Variants in DNAH9 observed in about 807,000 individuals in gnomAD.
DNAH9 encodes the protein DNAH9 variant protein.
In DNAH9, 345 loss-of-function variants were observed where a neutral mutation model predicts 471.6. The ratio of observed to expected loss-of-function variants is 0.73; its 90% CI spans 0.67 to 0.80. DNAH9 has a LOEUF of 0.80. Ranked by LOEUF, DNAH9 falls within the 30% of genes least tolerant of loss-of-function variation. DNAH9 has a pLI of 0.00. For synonymous variants in DNAH9, 2,093 were observed against 2,123.6 expected (o/e 0.99, Z 0.40); for missense variants, 5,407 against 5,609.2 (o/e 0.96, Z 1.15).
At chr17:11,869,726 C>A (rs1972193650) in intron 51 of DNAH9, among the ~76,000 whole-genome samples, 1 of 152,218 alleles carries the variant, frequency 6.6e-6, no homozygotes, top group Non-Finnish European at 1.5e-5. Flanking sequence ...ATGCTCCGGC[C>A]TTCCTGGGAA....
chr17:11,668,018 T>C (rs975315042), intron 15 of DNAH9, among the ~76,000 whole-genome samples: 3 of 152,224 alleles, frequency 2.0e-5, no homozygotes, highest in Non-Finnish European at 2.9e-5. Context: ...AAAAGTCATA[T>C]AAAAATAAGT....
rs760454499 is a variant in DNAH9, at chr17:11,932,226, G to C, written c.12297+21G>C. The stretch of plus-strand genomic sequence containing the variant: ...CAAAGGTAAAGGCCATGGACATTCA[G>C]GGACCAGCCAGGTTGGGAGAGGGTT... On this transcript the variant is annotated intron_variant, in intron 64 of 68. Transcript: ENST00000262442. The surrounding 1 kb of genome is among the most constrained non-coding windows in gnomAD (Gnocchi z 4.3). 7 of 1,607,310 alleles carry C rather than the reference G, an allele frequency of 4.4e-6. No individual in the cohort carries two copies. The Admixed American group carries it at 1.0e-4, about 23-fold the overall frequency.
At chr17:11,636,810 T>A in intron 9 of DNAH9, 26 bp downstream of exon 9, 1 of 1,609,026 alleles carries the variant, frequency 6.2e-7, no homozygotes, top group South Asian at 1.1e-5. Context: ...GGGATTTTGA[T>A]GGGGACATTC....
intron 45 of DNAH9, among the ~76,000 whole-genome samples, chr17:11,820,747 A>G (rs1178590137): frequency 1.3e-5 from 2 of 152,118 alleles, no homozygotes; most frequent in Admixed American, 6.5e-5. Flanking sequence ...GTATTTTGCT[A>G]TCATTGCTAT....
At chr17:11,933,836 G>A in intron 64 of DNAH9, 44 bp from the exon 65 acceptor site, 2 of 1,572,268 alleles carry the variant, frequency 1.3e-6, no homozygotes, top group African/African-American at 1.4e-5. Context: ...ACGCCTGTGT[G>A]GAGGTCTTTC....
intron 61 of DNAH9, among the ~76,000 whole-genome samples, chr17:11,911,114 C>T (rs777626655): frequency 1.8e-4 from 27 of 152,154 alleles, no homozygotes; most frequent in Admixed American, 1.0e-3. Flanking sequence ...CGATTGCCAA[C>T]CTAAGGTCAC....
In DNAH9 at chr17:11,738,945, C is replaced by T; in HGVS notation, c.5880C>T (p.Ile1960=). The T allele has an allele frequency of 6.2e-7, 1 of 1,613,998 alleles. No individual in the cohort carries two copies. Among genetic ancestry groups the T allele is most frequent in the South Asian group, 1.1e-5 (1 of 91,082 alleles). Residue 1960 remains isoleucine, a synonymous_variant, in exon 29 of 69, where the codon ATC becomes ATT. Coordinates refer to ENST00000262442, the MANE Select transcript of DNAH9 (RefSeq NM_001372.4). The stretch of plus-strand genomic sequence containing the variant: ...GGTTCAGCTTCCTTGGGGAGGAGAT[C>T]AGCCTGAATCCTTCTGTCGGTATCT... ...KQWFSFLGEE[I]SLNPSVGIFI... is the part of the protein sequence containing the mutation.
At chr17:11,716,406 T>C (rs1474301786) in intron 26 of DNAH9, among the ~76,000 whole-genome samples, 1 of 152,058 alleles carries the variant, frequency 6.6e-6, no homozygotes, top group Non-Finnish European at 1.5e-5. Flanking sequence ...GCGTTTTTTT[T>C]CATGGCCTGA....
At chr17:11,926,973 C>T (rs759207791) in intron 62 of DNAH9, among the ~76,000 whole-genome samples, 3 of 152,194 alleles carry the variant, frequency 2.0e-5, no homozygotes, top group Non-Finnish European at 4.4e-5. Context: ...GATGGTATCT[C>T]ATTGTGGTTC....
rs2072321954 is a variant in DNAH9 at position 11,598,894 on chromosome 17, C to T, written c.396C>T (p.His132=). The T allele has an allele frequency of 6.5e-6, 10 of 1,538,088 alleles. No homozygotes were observed. The highest frequency in any genetic ancestry group is 7.8e-6 in the Non-Finnish European group (9 of 1,148,840). Reference sequence around the variant, plus strand: ...ACCTGCCCGCGGCACCTCTGGAGCACCTAGCCGCGCTGTTCTCGGAGGTGA... The same window carrying T: ...ACCTGCCCGCGGCACCTCTGGAGCATCTAGCCGCGCTGTTCTCGGAGGTGA... ...CGDLPAAPLE[H]LAALFSEVVL... is the part of the protein sequence containing the mutation. The change falls in exon 1 of 69, where the codon CAC becomes CAT. Residue 132 remains histidine (H), a synonymous_variant. Transcript: ENST00000262442.
chr17:11,901,145 G>A (rs1973397467), intron 59 of DNAH9, among the ~76,000 whole-genome samples: 1 of 152,170 alleles, frequency 6.6e-6, no homozygotes, highest in Non-Finnish European at 1.5e-5. Context: ...GGGCCAGGGT[G>A]AGGGTGTCTG....
At chr17:11,605,779 G>T (rs954477340) in intron 1 of DNAH9, among the ~76,000 whole-genome samples, 2 of 151,600 alleles carry the variant, frequency 1.3e-5, no homozygotes, top group African/African-American at 4.9e-5. Context: ...CTGGGATACA[G>T]GCGTGAGCCA....
intron 44 of DNAH9, 140 bp from the exon 45 acceptor site, chr17:11,810,106 C>G (rs1371536249): frequency 9.6e-7 from 1 of 1,043,358 alleles, no homozygotes; most frequent in East Asian, 2.6e-5. Flanking sequence ...AGATAGCCCT[C>G]CCCCAGCTTC....
intron 62 of DNAH9, among the ~76,000 whole-genome samples, chr17:11,929,199 TA>T: frequency 6.6e-6 from 1 of 151,928 alleles, no homozygotes; most frequent in East Asian, 1.9e-4. Context: ...CATGCCCAGC[TA>T]ATTTTTTGTA....
At chr17:11,810,206 C>T in intron 44 of DNAH9, 40 bp from the exon 45 acceptor site, 3 of 1,581,750 alleles carry the variant, frequency 1.9e-6, no homozygotes, top group Non-Finnish European at 2.6e-6. Context: ...TTCAAGGAGG[C>T]CTTCTTTTCA....
At position 11,963,846 on chromosome 17, in the gene DNAH9, AAAG is replaced by A. The variant is rs1204867930; in HGVS notation, c.13233+1595_13233+1597del. Among the ~76,000 whole-genome samples, 3 of 152,328 alleles carry A rather than the reference AAAG, an allele frequency of 2.0e-5. No individual in the cohort carries two copies. The East Asian group carries it at 5.8e-4, about 29-fold the overall frequency. On this transcript the variant is annotated intron_variant, in intron 68 of 68. Transcript: ENST00000262442. The stretch of plus-strand genomic sequence containing the variant: ...ACAAATTACCTCAAAAAAACAAAAC[AAAG>A]AAGACCATGTAGAGACACAGAAGAG...
intron 48 of DNAH9, among the ~76,000 whole-genome samples, chr17:11,831,250 T>C (rs1970676442): frequency 2.0e-5 from 3 of 152,188 alleles, no homozygotes; most frequent in Admixed American, 2.0e-4. Flanking sequence ...AATGTCTGCA[T>C]CTGATGAAGG....
rs145446783 is a variant in DNAH9 at position 11,690,046 on chromosome 17, G to C, written c.4224G>C (p.Leu1408=). The change falls in exon 20 of 69, where the codon CTG becomes CTC. Residue 1408 remains leucine, a synonymous_variant. Coordinates refer to ENST00000262442, the MANE Select transcript of DNAH9 (RefSeq NM_001372.4). ...ACCAGGACACCACCCTAGCGCACCT[G>C]CTGCAGCTCCAGCTGCACCACTATG... The part of the protein sequence containing the change: ...TMDQDTTLAH[L]LQLQLHHYED... 3.1e-6 allele frequency: 5 copies of C among 1,614,068 alleles called. No individual in the cohort carries two copies. The Admixed American group carries it at 6.7e-5, about 22-fold the overall frequency.
intron 8 of DNAH9, among the ~76,000 whole-genome samples, chr17:11,634,824 T>C (rs1445074170): frequency 6.6e-6 from 1 of 152,168 alleles, no homozygotes; most frequent in Non-Finnish European, 1.5e-5. Flanking sequence ...TAACATGGCC[T>C]GGATGCCTCA....
Sources: gnomAD v4.1 joint callset for allele counts (sites outside exome capture counted in the v4.1 genomes callset) on GRCh38, gnomAD v4.1.1 for gene constraint, Gnocchi (gnomAD v3.1) non-coding constraint, MANE v1.5 for transcripts, NCBI Gene and HGNC (gene_info 2026-07-23, HGNC 2026-07-21) for gene names.